Variants in ENPP2 observed in about 807,000 individuals in gnomAD.
The protein encoded by ENPP2 is ectonucleotide pyrophosphatase/phosphodiesterase 2.
Under a neutral mutation model 120.2 loss-of-function variants are expected in ENPP2, and 51 were observed. That is an observed-to-expected ratio of 0.42 (90% CI 0.34 to 0.54). The LOEUF is 0.54. Ranked by LOEUF, ENPP2 falls within the 20% of genes least tolerant of loss-of-function variation. The probability of loss-of-function intolerance (pLI) is 0.04; values close to 1 mark genes in which losing one functional copy is unlikely to be tolerated. For synonymous variants in ENPP2, 365 were observed against 366.4 expected (o/e 1.00, Z 0.04); for missense variants, 920 against 1,066.5 (o/e 0.86, Z 1.91).
intron 21 of ENPP2, 70 bp from the exon 22 acceptor site, chr8:119,568,322 A>T: frequency 1.2e-6 from 1 of 833,086 alleles, no homozygotes; most frequent in Non-Finnish European, 2.0e-6. Flanking sequence ...AAAAAGGGAG[A>T]GGGGGGTAGA....
intron 11 of ENPP2, chr8:119,595,889 T>C (rs1477436401): frequency 4.3e-6 from 7 of 1,614,104 alleles, no homozygotes; most frequent in Non-Finnish European, 5.9e-6. Context: ...CCATCCTATG[T>C]ATTTTTCTTC....
intron 5 of ENPP2, 126 bp from the exon 6 acceptor site, chr8:119,617,689 T>A: frequency 1.5e-6 from 1 of 674,838 alleles, no homozygotes; most frequent in Non-Finnish European, 2.6e-6. Context: ...TGGCTTACGC[T>A]TATAATCCCA....
chr8:119,570,561 T>C, intron 20 of ENPP2, 144 bp downstream of exon 20: 1 of 541,170 alleles, frequency 1.8e-6, no homozygotes, highest in African/African-American at 2.0e-5. Context: ...TCAAAATATC[T>C]TACAATAAAT....
intron 19 of ENPP2, among the ~76,000 whole-genome samples, chr8:119,576,434 A>G (rs1013495279): frequency 1.3e-5 from 2 of 152,060 alleles, no homozygotes; most frequent in Non-Finnish European, 2.9e-5. Context: ...CACTGACCGC[A>G]CCCAGCTGTG....
intron 11 of ENPP2, among the ~76,000 whole-genome samples, chr8:119,594,590 A>T (rs1443263309): frequency 6.6e-6 from 1 of 152,228 alleles, no homozygotes; most frequent in Non-Finnish European, 1.5e-5. Context: ...AGCCTAAAAA[A>T]CATTACCCAT....
chr8:119,601,445 C>T lies in ENPP2; in HGVS notation c.851G>A (p.Arg284Gln), dbSNP rs61753746. The T allele has an allele frequency of 3.5e-5, 57 of 1,612,864 alleles. No homozygotes were observed. Among genetic ancestry groups the T allele is most frequent in the South Asian group, 1.6e-4 (15 of 91,022 alleles). The change falls in exon 10 of 25, where the codon CGG becomes CAG. Residue 284 changes from arginine to glutamine, a missense_variant. By Grantham distance (43) the Arg-to-Gln change is conservative. Coordinates refer to ENST00000075322, the MANE Select transcript of ENPP2 (RefSeq NM_001040092.3). ...FFWSVVIPHE[R>Q]RILTILQWLT... ...CCACTGCAATATGGTTAATATTCTC[C>T]GCTCGTGAGGGATGACACTGGAGGG...
At chr8:119,618,631 C>T (rs1005503767) in intron 5 of ENPP2, among the ~76,000 whole-genome samples, 1 of 151,786 alleles carries the variant, frequency 6.6e-6, no homozygotes, top group Non-Finnish European at 1.5e-5. Flanking sequence ...CCTCTGCCTC[C>T]TGGGTTCAAG....
intron 11 of ENPP2, among the ~76,000 whole-genome samples, chr8:119,599,270 A>G (rs1431572097): frequency 2.0e-5 from 3 of 152,224 alleles, no homozygotes; most frequent in Admixed American, 6.5e-5. Context: ...TTACGTAGCT[A>G]TTAGTTACTA....
intron 24 of ENPP2, among the ~76,000 whole-genome samples, chr8:119,560,501 C>T (rs1328126588): frequency 6.6e-6 from 1 of 152,122 alleles, no homozygotes; most frequent in East Asian, 1.9e-4. Flanking sequence ...TTGTTGTCTT[C>T]CATCCTTCCT....
intron 1 of ENPP2, among the ~76,000 whole-genome samples, chr8:119,666,238 T>C (rs1485001766): frequency 6.6e-6 from 1 of 152,192 alleles, no homozygotes; most frequent in African/African-American, 2.4e-5. Context: ...TTTTGATTTT[T>C]TTTCCACAAA....
intron 9 of ENPP2, among the ~76,000 whole-genome samples, chr8:119,604,828 C>T (rs1375972411): frequency 6.6e-6 from 1 of 152,046 alleles, no homozygotes; most frequent in Non-Finnish European, 1.5e-5. Flanking sequence ...GGCTAGAGTG[C>T]AGTGGCATGG....
At chr8:119,607,638 G>A (rs1477888453) in intron 9 of ENPP2, among the ~76,000 whole-genome samples, 1 of 150,330 alleles carries the variant, frequency 6.7e-6, no homozygotes, top group Non-Finnish European at 1.5e-5. Context: ...TTGCGCCACT[G>A]CACTCTAGCC....
chr8:119,570,935 G>T, intron 19 of ENPP2, 94 bp from the exon 20 acceptor site: 4 of 744,518 alleles, frequency 5.4e-6, no homozygotes, highest in East Asian at 3.1e-5. Context: ...ACCTAAAATG[G>T]CTAGCTTACT....
chr8:119,617,282 A>G (rs1167527753), intron 6 of ENPP2, 39 bp from the exon 7 acceptor site: 1 of 1,492,860 alleles, frequency 6.7e-7, no homozygotes, highest in African/African-American at 1.4e-5. Context: ...AAGAGAACCA[A>G]CAGGAATTGC....
Position 119,621,401 on chromosome 8 carries a change from A to G in ENPP2, c.411T>C (p.Val137=), listed in dbSNP as rs1219581490. ...ATCCAAAGAAACACGTACCTTTGCA[A>G]ACCACTTGGTAATTGGTACAGCAGT... ...RGDCCTNYQV[V]CKGESHWVDD... is the part of the protein sequence containing the mutation. The change falls in exon 4 of 25, where the codon GTT becomes GTC. Residue 137 remains valine (V), a synonymous_variant. Coordinates refer to ENST00000075322, the MANE Select transcript of ENPP2 (RefSeq NM_001040092.3). 3.1e-6 allele frequency: 5 copies of G among 1,613,152 alleles called. No individual in the cohort carries two copies. Among genetic ancestry groups the G allele is most frequent in the Non-Finnish European group, 4.2e-6 (5 of 1,179,412 alleles).
intron 9 of ENPP2, among the ~76,000 whole-genome samples, chr8:119,606,466 T>A (rs1351906520): frequency 6.6e-6 from 1 of 152,116 alleles, no homozygotes; most frequent in Non-Finnish European, 1.5e-5. Flanking sequence ...CAGAAGAAAA[T>A]ACTTCTATGA....
chr8:119,601,179 T>C (rs536707257), intron 10 of ENPP2, among the ~76,000 whole-genome samples: 1 of 152,346 alleles, frequency 6.6e-6, no homozygotes, highest in African/African-American at 2.4e-5. Context: ...TCTGCTGTAG[T>C]GGACAGAATT....
intron 2 of ENPP2, among the ~76,000 whole-genome samples, chr8:119,627,795 G>C (rs1816385019): frequency 6.6e-6 from 1 of 151,784 alleles, no homozygotes; most frequent in Non-Finnish European, 1.5e-5. Flanking sequence ...CTGGGAGGCA[G>C]AGGTTGCAGT....
At chr8:119,628,812 C>T (rs1385553920) in intron 2 of ENPP2, among the ~76,000 whole-genome samples, 2 of 152,126 alleles carry the variant, frequency 1.3e-5, no homozygotes, top group Admixed American at 1.3e-4. Context: ...GAGAAAATGT[C>T]CAAGTTTGCA....
Sources: allele counts gnomAD v4.1 joint callset (sites outside exome capture counted in the v4.1 genomes callset), GRCh38; gene constraint gnomAD v4.1.1; transcripts MANE v1.5; gene names NCBI Gene and HGNC (gene_info 2026-07-23, HGNC 2026-07-21).